The following PCDHA10 variants were observed in gnomAD, a reference collection of about 807,000 sequenced individuals.
The protein encoded by PCDHA10 is protocadherin alpha-10.
Under a neutral mutation model 61.2 loss-of-function variants are expected in PCDHA10, and 45 were observed. The ratio of observed to expected loss-of-function variants is 0.74; its 90% CI spans 0.58 to 0.94. The LOEUF is 0.94. Ranked by LOEUF, PCDHA10 falls within the 40% of genes least tolerant of loss-of-function variation. PCDHA10 has a pLI of 0.00. For synonymous variants in PCDHA10, 602 were observed against 548.8 expected (o/e 1.10, Z -1.35); for missense variants, 1,278 against 1,236.2 (o/e 1.03, Z -0.51).
intron 1 of PCDHA10, among the ~76,000 whole-genome samples, chr5:140,902,641 G>T (rs2069615645): frequency 6.6e-6 from 1 of 152,080 alleles, no homozygotes; most frequent in Non-Finnish European, 1.5e-5. Context: ...TGATTTCTGA[G>T]ATTTTGGTGC....
intron 1 of PCDHA10, among the ~76,000 whole-genome samples, chr5:140,920,841 T>TAAA (rs781921146): frequency 2.7e-5 from 3 of 109,230 alleles, no homozygotes; most frequent in East Asian, 2.6e-4. Context: ...AGACCAAATC[T>TAAA]AAAAAAAAAA....
chr5:140,940,073 A>G (rs1197351000), intron 1 of PCDHA10, among the ~76,000 whole-genome samples: 1 of 152,182 alleles, frequency 6.6e-6, no homozygotes, highest in Non-Finnish European at 1.5e-5. Context: ...AATATGTGAT[A>G]TCTTTCTGCT....
At chr5:140,968,211 A>G (rs1039283745) in intron 1 of PCDHA10, 1 of 1,614,002 alleles carries the variant, frequency 6.2e-7, no homozygotes. Context: ...CAGGAGAACA[A>G]TTTGCCAGGT....
chr5:140,883,403 T>G, intron 1 of PCDHA10: 1 of 1,614,168 alleles, frequency 6.2e-7, no homozygotes, highest in Non-Finnish European at 8.5e-7. Context: ...CGATCGTGAC[T>G]CTGGCTCAAA....
intron 1 of PCDHA10, among the ~76,000 whole-genome samples, chr5:140,912,539 T>C (rs2075967162): frequency 6.6e-6 from 1 of 152,172 alleles, no homozygotes; most frequent in Non-Finnish European, 1.5e-5. Flanking sequence ...CATGATCATA[T>C]TGTCAGCAAA....
At chr5:140,882,832 A>T (rs781961557) in intron 1 of PCDHA10, 1 of 1,614,216 alleles carries the variant, frequency 6.2e-7, no homozygotes, top group Non-Finnish European at 8.5e-7. Flanking sequence ...GTCTTGAGCA[A>T]ATGTCTTCAT....
chr5:140,952,712 C>A (rs567610262), intron 1 of PCDHA10, among the ~76,000 whole-genome samples: 3 of 152,298 alleles, frequency 2.0e-5, no homozygotes, highest in Middle Eastern at 3.4e-3. Context: ...CTCTCAGTAT[C>A]AATTTTCTGT....
intron 1 of PCDHA10, chr5:140,868,934 G>T: frequency 2.7e-6 from 3 of 1,116,548 alleles, no homozygotes; most frequent in African/African-American, 1.6e-5. Context: ...TTTAAAGGTT[G>T]GTCTGAACAG....
At chr5:140,895,485 C>A (rs2065029754) in intron 1 of PCDHA10, among the ~76,000 whole-genome samples, 1 of 152,114 alleles carries the variant, frequency 6.6e-6, no homozygotes, top group African/African-American at 2.4e-5. Flanking sequence ...GGAGAAATAC[C>A]TATTCAGAAC....
At chr5:140,883,144 A>C (rs782107481) in intron 1 of PCDHA10, 4 of 1,614,086 alleles carry the variant, frequency 2.5e-6, no homozygotes, top group Non-Finnish European at 3.4e-6. Context: ...TGGTATATGC[A>C]TTTACCATAA....
chr5:140,920,129 A>T lies in PCDHA10; in HGVS notation c.2389-58820A>T, dbSNP rs369489887. Among the ~76,000 whole-genome samples, 8 of 152,262 alleles carry T rather than the reference A, an allele frequency of 5.3e-5. No homozygotes were observed. The South Asian group carries it at 1.7e-3, about 32-fold the overall frequency. ...CAACCTTGCCAACATCTTGAGTTTT[A>T]ATTCTCCTCTCCAAACCTGGGAGAA... On this transcript the variant is annotated intron_variant, in intron 1 of 3. Transcript: ENST00000307360.
At chr5:140,942,434 T>C (rs2093297092) in intron 1 of PCDHA10, among the ~76,000 whole-genome samples, 1 of 151,244 alleles carries the variant, frequency 6.6e-6, no homozygotes, top group African/African-American at 2.4e-5. Flanking sequence ...TATCTAACAA[T>C]AAACAAGTAA....
chr5:140,936,760 T>G (rs2091134702), intron 1 of PCDHA10, among the ~76,000 whole-genome samples: 1 of 152,220 alleles, frequency 6.6e-6, no homozygotes, highest in African/African-American at 2.4e-5. Context: ...TGATATCTAA[T>G]TGTGTAAGTT....
chr5:140,967,332 C>G, intron 1 of PCDHA10: 2 of 1,608,024 alleles, frequency 1.2e-6, no homozygotes, highest in Non-Finnish European at 1.7e-6. Context: ...GAGCTCAGCC[C>G]CAGCGAGCAC....
intron 1 of PCDHA10, among the ~76,000 whole-genome samples, chr5:140,922,635 C>G (rs1403011776): frequency 6.6e-6 from 1 of 152,118 alleles, no homozygotes; most frequent in Non-Finnish European, 1.5e-5. Context: ...ATAAGCCACT[C>G]CATCAAACAG....
At chr5:140,876,697 C>T in intron 1 of PCDHA10, 2 of 1,614,226 alleles carry the variant, frequency 1.2e-6, no homozygotes, top group Middle Eastern at 1.6e-4. Context: ...CTCGTTGGTG[C>T]TGGACAGCGC....
intron 1 of PCDHA10, chr5:140,882,928 C>T: frequency 6.2e-7 from 1 of 1,614,140 alleles, no homozygotes; most frequent in Non-Finnish European, 8.5e-7. Context: ...GAGGTAAACC[C>T]GAGCTGACTG....
chr5:140,869,885 T>C (rs2051479155), intron 1 of PCDHA10: 7 of 1,610,426 alleles, frequency 4.3e-6, no homozygotes, highest in South Asian at 1.1e-5. Context: ...GAAACTCTTG[T>C]GCTCAAACTA....
intron 3 of PCDHA10, among the ~76,000 whole-genome samples, chr5:140,998,912 C>T (rs1256504660): frequency 6.6e-6 from 1 of 152,182 alleles, no homozygotes; most frequent in Admixed American, 6.6e-5. Context: ...CGGGAGGTAG[C>T]TATTATATCC....
Sources: gnomAD v4.1 joint callset for allele counts (sites outside exome capture counted in the v4.1 genomes callset) on GRCh38, gnomAD v4.1.1 for gene constraint, MANE v1.5 for transcripts, NCBI Gene and HGNC (gene_info 2026-07-23, HGNC 2026-07-21) for gene names.